PLAUR: variants seen among roughly 807,000 people sequenced by gnomAD.
PLAUR encodes the protein plasminogen activator, urokinase receptor.
In PLAUR, 22 loss-of-function variants were observed where a neutral mutation model predicts 33.4. That is an observed-to-expected ratio of 0.66 (90% CI 0.47 to 0.94). The LOEUF (loss-of-function observed/expected upper bound fraction) is 0.94. PLAUR is among the 40% of genes least tolerant of loss of function. The pLI, the probability that PLAUR is intolerant of heterozygous loss-of-function variation, is 0.00. For missense variants in PLAUR, 408 were observed against 434.7 expected, an observed-to-expected ratio of 0.94 and a Z score of 0.55; for synonymous variants, 148 against 167.3, an observed-to-expected ratio of 0.88 and a Z score of 0.89.
At chr19:43,647,919 TGA>T (rs4251933), downstream of PLAUR, among the ~76,000 whole-genome samples, 4,520 of 148,984 alleles carry the variant, frequency 0.03, 188 homozygotes, top group African/African-American at 0.099. Flanking sequence ...GGCTTTTGGC[TGA>T]GTTAGGTTAG....
Position 43,662,658 on chromosome 19 carries a change from G to C in PLAUR, c.310+2658C>G, listed in dbSNP as rs190854053. Among the ~76,000 whole-genome samples the C allele has an allele frequency of 1.5e-4, 22 of 151,188 alleles. No individual in the cohort carries two copies. The East Asian group carries it at 3.9e-3, about 27-fold the overall frequency. Reference sequence around the variant, plus strand: ...CCCACTGTACTGTTTCCTTTGTCCAGCCACACTGCTTTTGGCCACCTTTGT... The same window carrying C: ...CCCACTGTACTGTTTCCTTTGTCCACCCACACTGCTTTTGGCCACCTTTGT... On this transcript the variant is annotated intron_variant, in intron 3 of 6. Transcript: ENST00000340093.
In PLAUR at chr19:43,651,618, TAGAGAC is replaced by T. The variant is rs1291479276; in HGVS notation, c.754+601_754+606del. On this transcript the variant is annotated intron_variant, in intron 6 of 6. Transcript: ENST00000340093. ...CCCAGCTAATTTTTGTAATTTTTTG[TAGAGAC>T]AGGGTTTCACCATGGTGGCCAGGCT... 3 of 170,644 alleles carry T rather than the reference TAGAGAC, an allele frequency of 1.8e-5. No individual in the cohort carries two copies. The East Asian group carries it at 5.8e-4, about 33-fold the overall frequency. 10.6% of individuals were successfully genotyped at this position (170,644 alleles called of 1,614,324 possible). A position where few individuals can be genotyped will look rare whatever the true frequency, so the allele number is the denominator to read the frequency against.
At chr19:43,658,339 A>C (rs1974296666) in intron 3 of PLAUR, among the ~76,000 whole-genome samples, 3 of 151,932 alleles carry the variant, frequency 2.0e-5, no homozygotes, top group Non-Finnish European at 4.4e-5. Flanking sequence ...TGACATCTCG[A>C]CTGCAGGCTC....
In PLAUR at chr19:43,656,594, G is replaced by A. The variant is rs377260231; in HGVS notation, c.357C>T (p.Ser119=). The A allele has an allele frequency of 2.5e-6, 4 of 1,612,280 alleles. No homozygotes were observed. The East Asian group carries it at 8.9e-5, about 36-fold the overall frequency. The change falls in exon 4 of 7, where the codon TCC becomes TCT. Residue 119 remains serine, a synonymous_variant. Coordinates refer to ENST00000340093, the MANE Select transcript of PLAUR (RefSeq NM_002659.4). ...YSRSRYLECI[S]CGSSDMSCER... ...CACAGCTCATGTCTGATGAGCCACA[G>A]GAAATGCATTCGAGGTAACGGCTTC... is the stretch of plus-strand genomic sequence containing the variant.
downstream of PLAUR, chr19:43,646,594 C>G: frequency 1.4e-6 from 1 of 712,934 alleles, no homozygotes; most frequent in Non-Finnish European, 2.6e-6. Flanking sequence ...AAACTTGGTT[C>G]CAGAACATAG....
At chr19:43,650,022 T>C (rs1359693298) in intron 6 of PLAUR, among the ~76,000 whole-genome samples, 1 of 151,794 alleles carries the variant, frequency 6.6e-6, no homozygotes, top group Non-Finnish European at 1.5e-5. Context: ...TTTTTTGTTT[T>C]TTTTTTTGAG....
intron 6 of PLAUR, among the ~76,000 whole-genome samples, chr19:43,651,073 A>ATTTT (rs1973975150): frequency 6.6e-6 from 1 of 150,408 alleles, no homozygotes; most frequent in Non-Finnish European, 1.5e-5. Flanking sequence ...ATTTTAATTT[A>ATTTT]ATTTTATTTT....
At chr19:43,659,695 G>A (rs922248957) in intron 3 of PLAUR, among the ~76,000 whole-genome samples, 5 of 152,206 alleles carry the variant, frequency 3.3e-5, no homozygotes, top group East Asian at 1.9e-4. Context: ...AAGTCCACGC[G>A]TCCAAGGCGG....
intron 2 of PLAUR, among the ~76,000 whole-genome samples, chr19:43,666,772 T>C (rs1222277515): frequency 6.6e-6 from 1 of 152,048 alleles, no homozygotes; most frequent in East Asian, 1.9e-4. Context: ...TTTCACCATG[T>C]TGGCCAGGCT....
intron 5 of PLAUR, among the ~76,000 whole-genome samples, chr19:43,653,843 C>A (rs144197460): frequency 6.7e-6 from 1 of 150,110 alleles, no homozygotes; most frequent in African/African-American, 2.5e-5. Context: ...TAGCTGGGTG[C>A]GGCCGGGCGT....
At chr19:43,653,789 C>T (rs1020755732) in intron 5 of PLAUR, among the ~76,000 whole-genome samples, 14 of 152,014 alleles carry the variant, frequency 9.2e-5, no homozygotes, top group Admixed American at 5.9e-4. Flanking sequence ...ATACCAGCCC[C>T]GGCAACATAG....
chr19:43,665,567 CTCTT>C, intron 2 of PLAUR, 108 bp from the exon 3 acceptor site: 2 of 1,120,616 alleles, frequency 1.8e-6, no homozygotes, highest in South Asian at 1.5e-5. Flanking sequence ...TCTGCTAGGC[CTCTT>C]CTGTTATTTG....
intron 5 of PLAUR, among the ~76,000 whole-genome samples, chr19:43,653,932 T>C (rs1974099093): frequency 6.6e-6 from 1 of 152,066 alleles, no homozygotes. Context: ...GAGATCATCC[T>C]GGCTAACACA....
chr19:43,656,931 C>A, intron 3 of PLAUR: 9 of 215,900 alleles, frequency 4.2e-5, no homozygotes, highest in East Asian at 9.4e-5. Context: ...GCCCTAGAAA[C>A]ATTTCTTTCC....
At chr19:43,656,212 C>A (rs1343343332) in intron 4 of PLAUR, among the ~76,000 whole-genome samples, 1 of 148,464 alleles carries the variant, frequency 6.7e-6, no homozygotes, top group Non-Finnish European at 1.5e-5. Context: ...AAGATCATGC[C>A]ATTGCACTCC....
At chr19:43,664,159 T>C (rs1781299064) in intron 3 of PLAUR, among the ~76,000 whole-genome samples, 2 of 151,740 alleles carry the variant, frequency 1.3e-5, no homozygotes, top group South Asian at 4.2e-4. Context: ...CTCTCGTCAC[T>C]TCCTCAAAAC....
At chr19:43,654,735 C>T (rs1365839755) in intron 5 of PLAUR, among the ~76,000 whole-genome samples, 1 of 151,628 alleles carries the variant, frequency 6.6e-6, no homozygotes, top group African/African-American at 2.4e-5. Flanking sequence ...CCCTGTCCCC[C>T]CCATACCCCC....
At chr19:43,647,402 T>C (rs927015049), downstream of PLAUR, among the ~76,000 whole-genome samples, 1 of 152,108 alleles carries the variant, frequency 6.6e-6, no homozygotes, top group Non-Finnish European at 1.5e-5. Flanking sequence ...TGCTGGGAAA[T>C]GTGGGGATGT....
At chr19:43,668,207 G>C (rs1036244820) in intron 1 of PLAUR, 1 of 986,726 alleles carries the variant, frequency 1.0e-6, no homozygotes, top group African/African-American at 1.8e-5. Context: ...AGCCTCTCCC[G>C]GCCCACTAAT....
Sources: allele counts gnomAD v4.1 joint callset (sites outside exome capture counted in the v4.1 genomes callset), GRCh38; gene constraint gnomAD v4.1.1; transcripts MANE v1.5; gene names NCBI Gene and HGNC (gene_info 2026-07-23, HGNC 2026-07-21).